Variants in GSK3B observed in about 807,000 individuals in gnomAD.
GSK3B encodes the protein glycogen synthase kinase-3 beta.
Under a neutral mutation model 56.4 loss-of-function variants are expected in GSK3B, and 15 were observed. The ratio of observed to expected loss-of-function variants is 0.27; its 90% CI spans 0.18 to 0.41. The LOEUF (loss-of-function observed/expected upper bound fraction) is 0.41. Ranked by LOEUF, GSK3B falls within the 10% of genes least tolerant of loss-of-function variation. The pLI is 1.00. For missense variants in GSK3B, 300 were observed against 513.4 expected, an observed-to-expected ratio of 0.58 and a Z score of 4.02; for synonymous variants, 181 against 188.9, an observed-to-expected ratio of 0.96 and a Z score of 0.34.
intron 1 of GSK3B, among the ~76,000 whole-genome samples, chr3:120,026,575 T>C (rs2057929119): frequency 7.1e-6 from 1 of 140,300 alleles, no homozygotes; most frequent in South Asian, 2.2e-4. Flanking sequence ...ACTCTTTTTT[T>C]TTTTCTTTGA....
chr3:120,040,135 G>A (rs933820111), intron 1 of GSK3B, among the ~76,000 whole-genome samples: 2 of 152,368 alleles, frequency 1.3e-5, no homozygotes, highest in South Asian at 2.1e-4. Flanking sequence ...TCGCAGGGGC[G>A]ACAAAGTATT....
At chr3:119,859,081 A>G (rs529829970) in intron 9 of GSK3B, among the ~76,000 whole-genome samples, 1 of 152,316 alleles carries the variant, frequency 6.6e-6, no homozygotes, top group African/African-American at 2.4e-5. Flanking sequence ...GAGACACAAA[A>G]TAAACATAAG....
intron 1 of GSK3B, chr3:120,029,523 GC>G: frequency 1.6e-6 from 1 of 628,032 alleles, no homozygotes; most frequent in South Asian, 1.5e-5. Flanking sequence ...GTGTAAAGTT[GC>G]CACAGGAAGA....
intron 7 of GSK3B, among the ~76,000 whole-genome samples, chr3:119,878,885 C>T (rs1267480646): frequency 6.6e-6 from 1 of 152,088 alleles, no homozygotes; most frequent in African/African-American, 2.4e-5. Context: ...AATTTTCTAT[C>T]TATAGTGACA....
At chr3:120,030,262 C>T (rs945032117) in intron 1 of GSK3B, among the ~76,000 whole-genome samples, 14 of 152,272 alleles carry the variant, frequency 9.2e-5, no homozygotes, top group South Asian at 6.2e-4. Context: ...TGTCTCCATA[C>T]TCTCCCCAGA....
intron 7 of GSK3B, among the ~76,000 whole-genome samples, chr3:119,884,354 T>TG (rs1249766296): frequency 1.3e-5 from 2 of 152,138 alleles, no homozygotes; most frequent in Non-Finnish European, 2.9e-5. Context: ...GACATGAGTT[T>TG]AGTGGAATTA....
At chr3:119,912,558 T>C (rs1206630497) in intron 6 of GSK3B, 146 bp downstream of exon 6, 9 of 451,052 alleles carry the variant, frequency 2.0e-5, no homozygotes, top group Non-Finnish European at 3.6e-5. Flanking sequence ...TGCCTATACA[T>C]GTTTGCATCT....
At chr3:120,031,904 C>T (rs2057979353) in intron 1 of GSK3B, among the ~76,000 whole-genome samples, 1 of 152,176 alleles carries the variant, frequency 6.6e-6, no homozygotes, top group East Asian at 1.9e-4. Context: ...CAAAATAACT[C>T]AAGTTCTGTG....
chr3:119,935,404 T>C (rs1487763763), intron 3 of GSK3B, among the ~76,000 whole-genome samples: 8 of 152,172 alleles, frequency 5.3e-5, no homozygotes, highest in Non-Finnish European at 1.0e-4. Flanking sequence ...TTTGGGGTTT[T>C]CATCTAATTG....
At chr3:119,928,316 G>A (rs1390371495) in intron 3 of GSK3B, among the ~76,000 whole-genome samples, 1 of 152,054 alleles carries the variant, frequency 6.6e-6, no homozygotes, top group Non-Finnish European at 1.5e-5. Context: ...TTATAAAAAA[G>A]GAGGAAAGGC....
intron 1 of GSK3B, among the ~76,000 whole-genome samples, chr3:120,036,116 A>T (rs1188727647): frequency 6.6e-6 from 1 of 152,180 alleles, no homozygotes; most frequent in African/African-American, 2.4e-5. Context: ...TTTTTCATAG[A>T]TGTTATCAGA....
At position 119,855,827 on chromosome 3, in the gene GSK3B, C is replaced by T. The variant is rs577994992; in HGVS notation, c.1096+7592G>A. On this transcript the variant is annotated intron_variant, in intron 9 of 10. Coordinates refer to ENST00000264235, the MANE Select transcript of GSK3B (RefSeq NM_001146156.2). ...GGGAACATCACACACCGGGGCCTGT[C>T]GTGCGGTGGGGGGAGGGGGAGGGGT... Among the ~76,000 whole-genome samples the T allele has an allele frequency of 3.9e-4, 57 of 144,876 alleles. 1 individual carries two copies. The highest frequency in any genetic ancestry group is 3.5e-4 in the Admixed American group (5 of 14,174).
intron 1 of GSK3B, among the ~76,000 whole-genome samples, chr3:120,065,812 A>C (rs1466705809): frequency 1.3e-5 from 2 of 152,226 alleles, no homozygotes; most frequent in East Asian, 3.8e-4. Context: ...AACAGGGATA[A>C]ACCTTGAAAA....
intron 10 of GSK3B, among the ~76,000 whole-genome samples, chr3:119,828,619 T>C (rs528696189): frequency 3.2e-4 from 48 of 152,340 alleles, no homozygotes; most frequent in African/African-American, 1.1e-3. Context: ...CGTTTGGTCC[T>C]GGATCTTTCT....
intron 2 of GSK3B, among the ~76,000 whole-genome samples, chr3:119,962,315 C>T (rs1345675260): frequency 6.8e-6 from 1 of 146,592 alleles, no homozygotes; most frequent in African/African-American, 2.5e-5. Context: ...GCAGAGGTTG[C>T]AATGAGCCAA....
intron 1 of GSK3B, among the ~76,000 whole-genome samples, chr3:120,076,276 A>G (rs2058366439): frequency 6.6e-6 from 1 of 152,230 alleles, no homozygotes; most frequent in Non-Finnish European, 1.5e-5. Context: ...CATAGGGAGA[A>G]ATCTCCTTGA....
chr3:119,943,484 G>A (rs1185022427), intron 3 of GSK3B, among the ~76,000 whole-genome samples: 1 of 152,134 alleles, frequency 6.6e-6, no homozygotes, highest in Non-Finnish European at 1.5e-5. Context: ...TGTACGTATG[G>A]AATAAGATAC....
intron 2 of GSK3B, among the ~76,000 whole-genome samples, chr3:119,990,173 C>G (rs1224440856): frequency 2.0e-5 from 3 of 152,116 alleles, no homozygotes; most frequent in Non-Finnish European, 4.4e-5. Context: ...GAAATAAACC[C>G]CGCTCCAGTT....
chr3:120,092,537 G>A (rs935019591), intron 1 of GSK3B, among the ~76,000 whole-genome samples: 1 of 152,122 alleles, frequency 6.6e-6, no homozygotes, highest in African/African-American at 2.4e-5. Context: ...CTTAGTATTT[G>A]GCACTATGAC....
Sources: gnomAD v4.1 joint callset for allele counts (sites outside exome capture counted in the v4.1 genomes callset) on GRCh38, gnomAD v4.1.1 for gene constraint, MANE v1.5 for transcripts, NCBI Gene and HGNC (gene_info 2026-07-23, HGNC 2026-07-21) for gene names.